The following GLIS3 variants were observed in gnomAD, a reference collection of about 807,000 sequenced individuals.
The protein encoded by GLIS3 is zinc finger protein GLIS3.
GLIS3 carries 53 observed loss-of-function variants against 78.6 expected under a neutral mutation model. The observed-to-expected ratio is 0.67, with a 90% CI of 0.54 to 0.85. The LOEUF is 0.85. Ranked by LOEUF, GLIS3 falls within the 40% of genes least tolerant of loss-of-function variation. The pLI, the probability that GLIS3 is intolerant of heterozygous loss-of-function variation, is 0.00. For missense variants in GLIS3, 1,703 were observed against 1,231.1 expected (o/e 1.38, Z -5.74); for synonymous variants, 684 against 509.9 (o/e 1.34, Z -4.60).
intron 2 of GLIS3, among the ~76,000 whole-genome samples, chr9:4,282,397 T>C (rs1488306569): frequency 6.6e-6 from 1 of 152,230 alleles, no homozygotes; most frequent in East Asian, 1.9e-4. Flanking sequence ...CCCTCCCTAA[T>C]GTGGGTGGTT....
intron 4 of GLIS3, among the ~76,000 whole-genome samples, chr9:4,036,642 G>A (rs1824332648): frequency 1.3e-5 from 2 of 152,162 alleles, no homozygotes; most frequent in Admixed American, 1.3e-4. Context: ...TAAGCCCTGA[G>A]ACTCACCTAC....
chr9:4,333,930 T>A (rs542451972), intron 2 of GLIS3, among the ~76,000 whole-genome samples: 1 of 152,226 alleles, frequency 6.6e-6, no homozygotes, highest in Non-Finnish European at 1.5e-5. Flanking sequence ...CCTTAAATCC[T>A]ACCTGGAATG....
At chr9:4,116,053 A>G (rs1419607300) in intron 4 of GLIS3, among the ~76,000 whole-genome samples, 1 of 152,250 alleles carries the variant, frequency 6.6e-6, no homozygotes, top group African/African-American at 2.4e-5. Context: ...AATCAACTTT[A>G]AAAAGTTATA....
intron 2 of GLIS3, among the ~76,000 whole-genome samples, chr9:4,269,758 A>G (rs1470039790): frequency 1.3e-5 from 2 of 152,172 alleles, no homozygotes; most frequent in African/African-American, 2.4e-5. Flanking sequence ...CTGTCTATTA[A>G]TTTTGTCTGA....
chr9:3,954,364 C>G (rs1373721683), intron 4 of GLIS3, among the ~76,000 whole-genome samples: 1 of 152,214 alleles, frequency 6.6e-6, no homozygotes, highest in Non-Finnish European at 1.5e-5. Context: ...AGGATTAAAT[C>G]AGAGCCAGTC....
intron 2 of GLIS3, among the ~76,000 whole-genome samples, chr9:4,238,660 T>C (rs1009096655): frequency 2.0e-5 from 3 of 152,128 alleles, no homozygotes; most frequent in Admixed American, 2.0e-4. Flanking sequence ...CAAAACAAAA[T>C]TTACTGAGCA....
At chr9:4,037,055 TG>T (rs1167328776) in intron 4 of GLIS3, among the ~76,000 whole-genome samples, 1 of 152,164 alleles carries the variant, frequency 6.6e-6, no homozygotes, top group East Asian at 1.9e-4. Context: ...GAAGGAGATT[TG>T]AAAAAAATCA....
At chr9:3,832,580 G>C (rs1818111777) in intron 9 of GLIS3, among the ~76,000 whole-genome samples, 1 of 152,180 alleles carries the variant, frequency 6.6e-6, no homozygotes, top group Non-Finnish European at 1.5e-5. Context: ...CTGGAATGTG[G>C]AGATGTATAG....
At chr9:3,839,957 G>T (rs1818613235) in intron 9 of GLIS3, among the ~76,000 whole-genome samples, 4 of 152,174 alleles carry the variant, frequency 2.6e-5, no homozygotes, top group Admixed American at 2.6e-4. Flanking sequence ...CCAATTTTCT[G>T]ATTTAGCCCC....
intron 8 of GLIS3, among the ~76,000 whole-genome samples, chr9:3,859,976 A>G (rs1047798981): frequency 2.0e-5 from 3 of 152,186 alleles, no homozygotes; most frequent in East Asian, 1.9e-4. Flanking sequence ...TTAAAACCTC[A>G]TAAAAAATCC....
chr9:4,334,273 G>A (rs573842188), intron 2 of GLIS3, among the ~76,000 whole-genome samples: 1 of 152,274 alleles, frequency 6.6e-6, no homozygotes, highest in South Asian at 2.1e-4. Flanking sequence ...GAGCTTTCTG[G>A]ATATAACATT....
chr9:3,942,108 G>A (rs1187351434), intron 4 of GLIS3, among the ~76,000 whole-genome samples: 2 of 152,186 alleles, frequency 1.3e-5, no homozygotes, highest in Non-Finnish European at 2.9e-5. Flanking sequence ...AGAGTGCTGA[G>A]AAGCATAAGT....
chr9:3,853,902 T>C (rs1819593672), intron 9 of GLIS3, among the ~76,000 whole-genome samples: 1 of 152,242 alleles, frequency 6.6e-6, no homozygotes, highest in Admixed American at 6.5e-5. Flanking sequence ...TGCATTTTCT[T>C]GGAACTTTGA....
At chr9:4,465,311 GC>G in the GLIS3 span, among the ~76,000 whole-genome samples, 1 of 152,362 alleles carries the variant, frequency 6.6e-6, no homozygotes, top group African/African-American at 2.4e-5. Context: ...ACTTTGGGAG[GC>G]CGAGGCAAGG....
chr9:4,171,705 T>G (rs911514840), intron 2 of GLIS3, among the ~76,000 whole-genome samples: 1 of 152,208 alleles, frequency 6.6e-6, no homozygotes, highest in African/African-American at 2.4e-5. Context: ...TAAGATGACT[T>G]GAACTGTTTT....
At chr9:4,447,604 A>G in the GLIS3 span, among the ~76,000 whole-genome samples, 6 of 152,230 alleles carry the variant, frequency 3.9e-5, no homozygotes, top group Non-Finnish European at 8.8e-5. Context: ...ATTCTTGCTT[A>G]GAAGTGACCA....
At chr9:4,473,701 G>A in the GLIS3 span, among the ~76,000 whole-genome samples, 3 of 151,912 alleles carry the variant, frequency 2.0e-5, no homozygotes, top group Non-Finnish European at 4.4e-5. Flanking sequence ...ATACCAGGGT[G>A]ACAAAATAAT....
upstream of GLIS3, among the ~76,000 whole-genome samples, chr9:4,301,293 T>C (rs10758595): frequency 0.78 from 118,373 of 152,156 alleles, 49,035 homozygotes; most frequent in South Asian, 0.94. Context: ...TTCTGTCAGT[T>C]TTCCAGTTTC....
the GLIS3 span, among the ~76,000 whole-genome samples, chr9:4,466,949 C>T: frequency 1.2e-4 from 19 of 152,204 alleles, no homozygotes; most frequent in Non-Finnish European, 1.9e-4. Flanking sequence ...TGCGTTTTTC[C>T]AACAGTCTTA....
Sources: gnomAD v4.1 joint callset for allele counts (sites outside exome capture counted in the v4.1 genomes callset) on GRCh38, gnomAD v4.1.1 for gene constraint, MANE v1.5 for transcripts, NCBI Gene and HGNC (gene_info 2026-07-23, HGNC 2026-07-21) for gene names.